FMO1: variants seen among roughly 807,000 people sequenced by gnomAD.
The protein encoded by FMO1 is flavin-containing monooxygenase 1.
Under a neutral mutation model 45.4 loss-of-function variants are expected in FMO1, and 36 were observed. That is an observed-to-expected ratio of 0.79 (90% CI 0.61 to 1.05). The LOEUF (loss-of-function observed/expected upper bound fraction) is 1.05, where lower values mean the gene tolerates loss of function less well. Ranked by LOEUF, FMO1 falls within the 50% of genes least tolerant of loss-of-function variation. The probability of loss-of-function intolerance (pLI) is 0.00; values close to 1 mark genes in which losing one functional copy is unlikely to be tolerated. For missense variants in FMO1, 615 were observed against 640.3 expected (o/e 0.96, Z 0.43); for synonymous variants, 228 against 227.2 (o/e 1.00, Z -0.03).
chr1:171,257,950 A>C, intron 1 of FMO1, 132 bp from the exon 2 acceptor site: 1 of 1,001,102 alleles, frequency 1.0e-6, no homozygotes, highest in Non-Finnish European at 1.5e-6. Context: ...TTCACACACC[A>C]GAGACCCGCT....
intron 1 of FMO1, among the ~76,000 whole-genome samples, chr1:171,253,184 C>T (rs1659975827): frequency 1.3e-5 from 2 of 152,154 alleles, no homozygotes; most frequent in Non-Finnish European, 2.9e-5. Context: ...TTTCTTCTAT[C>T]ATCATTCTTA....
At chr1:171,260,674 T>C (rs962250382) in intron 2 of FMO1, among the ~76,000 whole-genome samples, 1 of 151,928 alleles carries the variant, frequency 6.6e-6, no homozygotes, top group African/African-American at 2.4e-5. Context: ...CTCACGCCTG[T>C]AATCCCAGCA....
intron 2 of FMO1, among the ~76,000 whole-genome samples, chr1:171,258,884 C>T (rs1660275797): frequency 6.6e-6 from 1 of 152,134 alleles, no homozygotes; most frequent in Non-Finnish European, 1.5e-5. Context: ...CTATAAAGCC[C>T]ACCCTTGCCT....
At chr1:171,275,012 T>C (rs1278224669) in intron 3 of FMO1, among the ~76,000 whole-genome samples, 1 of 152,248 alleles carries the variant, frequency 6.6e-6, no homozygotes, top group Non-Finnish European at 1.5e-5. Flanking sequence ...GAGACAGCCC[T>C]GTGAGAAATG....
At chr1:171,264,138 C>T (rs762377558) in intron 2 of FMO1, among the ~76,000 whole-genome samples, 1 of 152,058 alleles carries the variant, frequency 6.6e-6, no homozygotes, top group African/African-American at 2.4e-5. Flanking sequence ...CTTCATCTTT[C>T]TGCCTTGAAA....
chr1:171,253,227 A>C (rs1324135054), intron 1 of FMO1, among the ~76,000 whole-genome samples: 1 of 152,170 alleles, frequency 6.6e-6, no homozygotes, highest in African/African-American at 2.4e-5. Context: ...ACTTTCTAAA[A>C]CACAATCATT....
intron 3 of FMO1, among the ~76,000 whole-genome samples, chr1:171,269,295 TA>T (rs1450350005): frequency 6.6e-6 from 1 of 152,166 alleles, no homozygotes; most frequent in East Asian, 1.9e-4. Context: ...AAGGAAAATG[TA>T]GGAAACTTTG....
At chr1:171,271,066 A>C in intron 3 of FMO1, 1 of 993,330 alleles carries the variant, frequency 1.0e-6, no homozygotes, top group Non-Finnish European at 1.6e-6. Flanking sequence ...AGCCTTGATA[A>C]ATCCCTTTTT....
At chr1:171,260,505 A>C (rs947357466) in intron 2 of FMO1, among the ~76,000 whole-genome samples, 1 of 152,140 alleles carries the variant, frequency 6.6e-6, no homozygotes, top group East Asian at 1.9e-4. Flanking sequence ...AACATGGAAG[A>C]GAAATTTTGA....
At chr1:171,265,949 A>T (rs6674596) in intron 2 of FMO1, among the ~76,000 whole-genome samples, 33,512 of 152,108 alleles carry the variant, frequency 0.22, 5,471 homozygotes, top group African/African-American at 0.46. Context: ...TTCAGTGTAT[A>T]TTTTTTAACT....
chr1:171,283,146 G>A lies in FMO1; in HGVS notation c.1186G>A (p.Val396Ile). ...AGGTTTTTATTTTAATCCTACAGGT[G>A]TAAATAAGTTACCACCACCAAGTGT... is the stretch of plus-strand genomic sequence containing the variant. ...ARWAVRVLKG[V>I]NKLPPPSVMI... The change falls in exon 8 of 9, where the codon GTA becomes ATA. Residue 396 changes from valine to isoleucine, a missense_variant and splice_region_variant. Transcript: ENST00000617670. The A allele has an allele frequency of 6.5e-7, 1 of 1,536,386 alleles. No individual in the cohort carries two copies. The highest frequency in any genetic ancestry group is 1.4e-5 in the African/African-American group (1 of 71,834).
At chr1:171,280,303 G>A (rs567360767) in intron 5 of FMO1, among the ~76,000 whole-genome samples, 14 of 152,128 alleles carry the variant, frequency 9.2e-5, no homozygotes, top group African/African-American at 2.4e-4. Flanking sequence ...TTGTGAATTC[G>A]GTCAACTGGT....
intron 3 of FMO1, among the ~76,000 whole-genome samples, chr1:171,273,395 A>C (rs1660956678): frequency 6.6e-6 from 1 of 152,242 alleles, no homozygotes. Flanking sequence ...TGGACACAGT[A>C]AAAATAAAGC....
In FMO1 at chr1:171,285,787, T is replaced by C; in HGVS notation, c.*243T>C. Reference sequence around the variant, plus strand: ...TTGAAGGTTGTTGGAAAGTTACAGGTTCATTTTAGAAAGAAAGCTGTTCTT... The same window carrying C: ...TTGAAGGTTGTTGGAAAGTTACAGGCTCATTTTAGAAAGAAAGCTGTTCTT... On this transcript the variant is annotated 3_prime_UTR_variant, in exon 9 of 9. Transcript: ENST00000617670. The C allele has an allele frequency of 3.0e-6, 1 of 338,196 alleles. No homozygotes were observed. The allele number at this position is 338,196 out of a possible 1,614,324, so 20.9% of individuals were successfully genotyped here. A position where few individuals can be genotyped will look rare whatever the true frequency, so the allele number is the denominator to read the frequency against.
At chr1:171,271,128 T>C (rs1660845064) in intron 3 of FMO1, 1 of 887,502 alleles carries the variant, frequency 1.1e-6, no homozygotes. Context: ...CCTTTTTGTA[T>C]TTTTCCTTTA....
At chr1:171,253,924 A>G (rs964693466) in intron 1 of FMO1, 1 of 152,220 alleles carries the variant, frequency 6.6e-6, no homozygotes, top group Non-Finnish European at 1.5e-5. Context: ...AGTCAAGTAC[A>G]GTAGTGAGAA....
chr1:171,257,009 A>G (rs1179367096), intron 1 of FMO1, among the ~76,000 whole-genome samples: 1 of 152,222 alleles, frequency 6.6e-6, no homozygotes, highest in Non-Finnish European at 1.5e-5. Context: ...GCAGATACCA[A>G]TTCTTGGAAA....
Position 171,264,890 on chromosome 1 carries a change from C to G in FMO1, c.133-2653C>G, listed in dbSNP as rs140828907. On this transcript the variant is annotated intron_variant, in intron 2 of 8. Transcript: ENST00000617670. ...CTCCTTCCTGGGCGACAGAGCGAGA[C>G]TCCATCTCAAAAAAAAACAAAAACA... 9.9e-3 allele frequency among the ~76,000 whole-genome samples: 1,506 copies of G among 151,822 alleles called. 26 individuals carry two copies. The highest frequency in any genetic ancestry group is 0.033 in the African/African-American group (1,378 of 41,396).
intron 5 of FMO1, 105 bp downstream of exon 5, chr1:171,278,976 C>A: frequency 2.3e-6 from 2 of 867,970 alleles, no homozygotes; most frequent in Non-Finnish European, 3.2e-6. Flanking sequence ...AAATGTCTCA[C>A]ATGCAAACAA....
Sources: gnomAD v4.1 joint callset for allele counts (sites outside exome capture counted in the v4.1 genomes callset) on GRCh38, gnomAD v4.1.1 for gene constraint, MANE v1.5 for transcripts, NCBI Gene and HGNC (gene_info 2026-07-23, HGNC 2026-07-21) for gene names.